Variants in NOTCH2 observed in about 807,000 individuals in gnomAD.
The protein encoded by NOTCH2 is notch receptor 2, also known as neurogenic locus notch homolog protein 2.
NOTCH2 carries 29 observed loss-of-function variants against 235.8 expected under a neutral mutation model. The ratio of observed to expected loss-of-function variants is 0.12; its 90% confidence interval spans 0.09 to 0.17. The LOEUF is 0.17. NOTCH2 is among the 10% of genes least tolerant of loss of function. The pLI is 1.00. For missense variants in NOTCH2, 2,285 were observed against 3,150.2 expected, an observed-to-expected ratio of 0.73 and a Z score of 6.57; for synonymous variants, 1,086 against 1,141.5, an observed-to-expected ratio of 0.95 and a Z score of 0.98.
rs782720092 is a variant in NOTCH2 at position 119,953,559 on chromosome 1, G to A, written c.2349C>T (p.Cys783=). ...TGTTTTCACCTTTAAAGCCCTTCTT[G>A]CAAGTACACCTGTATCCATTCACCA... ...DNLVNGYRCT[C]KKGFKGYNCQ... Residue 783 remains cysteine, a synonymous_variant, in exon 14 of 34, where the codon TGC becomes TGT. Transcript: ENST00000256646. The A allele has an allele frequency of 6.2e-7, 1 of 1,614,042 alleles. No homozygotes were observed.
In NOTCH2 at chr1:119,923,738, T is replaced by G. The variant is rs587597840; in HGVS notation, c.4758A>C (p.Glu1586Asp). ...NLRIKRDSQG[E>D]LMVYPYYGEK... The stretch of plus-strand genomic sequence containing the variant: ...CACCATAATAGGGGTACACCATGAG[T>G]TCCCCCTGGGAGTCCCGCTTAATGC... Residue 1586 changes from glutamate to aspartate, a missense_variant, in exon 26 of 34, where the codon GAA (glutamate) becomes GAC (aspartate). Around this residue, in one of 6 missense-constraint regions of NOTCH2, gnomAD observed 1,173 missense variants for 1,515.3 expected, o/e 0.77. Transcript: ENST00000256646. 6.2e-6 allele frequency: 10 copies of G among 1,614,166 alleles called. No individual in the cohort carries two copies. In the East Asian group the frequency reaches 1.8e-4, roughly 29 times the overall value.
chr1:119,946,182 C>A (rs1241912710), intron 17 of NOTCH2, among the ~76,000 whole-genome samples: 5 of 151,978 alleles, frequency 3.3e-5, no homozygotes, highest in African/African-American at 9.7e-5. Flanking sequence ...ATTAGGAAAA[C>A]CAAACTTGTA....
At chr1:119,918,269 A>G (rs1003492856) in intron 32 of NOTCH2, 137 bp downstream of exon 32, 24 of 988,558 alleles carry the variant, frequency 2.4e-5, no homozygotes, top group Non-Finnish European at 3.6e-5. Context: ...TGTTAAATAA[A>G]TGCATGAATG....
At chr1:120,015,230 C>T (rs587631008) in intron 2 of NOTCH2, among the ~76,000 whole-genome samples, 1,323 of 152,164 alleles carry the variant, frequency 8.7e-3, no homozygotes, top group African/African-American at 0.031. Context: ...TCTTTACTCC[C>T]TCTGGGCTAG....
At chr1:119,927,635 C>T (rs1056199239) in intron 23 of NOTCH2, among the ~76,000 whole-genome samples, 1 of 152,126 alleles carries the variant, frequency 6.6e-6, no homozygotes, top group African/African-American at 2.4e-5. Context: ...TTCCCCCTTA[C>T]TTTGCAAATG....
intron 2 of NOTCH2, among the ~76,000 whole-genome samples, chr1:120,023,573 C>G (rs1218255592): frequency 8.3e-6 from 1 of 121,110 alleles, no homozygotes; most frequent in Non-Finnish European, 1.5e-5. Flanking sequence ...TAGTACTTAT[C>G]TCCTTATTTA....
At chr1:120,043,139 A>T (rs1654648836) in intron 1 of NOTCH2, among the ~76,000 whole-genome samples, 1 of 151,478 alleles carries the variant, frequency 6.6e-6, no homozygotes, top group Non-Finnish European at 1.5e-5. Context: ...TAGGATTAAC[A>T]TCTCAGCTTC....
chr1:119,916,012 C>G lies in NOTCH2; in HGVS notation c.6710G>C (p.Ser2237Thr). Residue 2237 changes from serine (S) to threonine (T), a missense_variant, in exon 34 of 34, where the codon AGT becomes ACT. Ser to Thr is a moderately conservative substitution (Grantham distance 58, BLOSUM62 1). This residue lies in a region of NOTCH2 where 504 missense variants were observed against 538.0 expected (regional missense o/e 0.94). Transcript: ENST00000256646. ...HHHIVSPGSG[S>T]AGSLSRLHPV... ...ATGGAGCCTACTCAAGCTTCCAGCA[C>G]TGCCACTGCCTGGAGACACAATGTG... is the stretch of plus-strand genomic sequence containing the variant. 6.2e-7 allele frequency: 1 copy of G among 1,613,830 alleles called. No individual in the cohort carries two copies. Among genetic ancestry groups the G allele is most frequent in the Non-Finnish European group, 8.5e-7 (1 of 1,180,042 alleles).
intron 1 of NOTCH2, among the ~76,000 whole-genome samples, chr1:120,039,409 CTTT>C (rs1170358326): frequency 3.1e-5 from 4 of 127,050 alleles, no homozygotes; most frequent in Admixed American, 7.7e-5. Flanking sequence ...CTTTTTAAAG[CTTT>C]TTTTTTTTTT....
chr1:119,986,626 A>G (rs1430205913), intron 5 of NOTCH2, among the ~76,000 whole-genome samples: 1 of 152,130 alleles, frequency 6.6e-6, no homozygotes, highest in African/African-American at 2.4e-5. Context: ...TTTAATATTT[A>G]TTAAGCATCT....
At chr1:119,935,948 G>A (rs782543367) in intron 21 of NOTCH2, among the ~76,000 whole-genome samples, 22 of 152,138 alleles carry the variant, frequency 1.4e-4, no homozygotes, top group Non-Finnish European at 1.2e-4. Context: ...ACATTCCTCC[G>A]TATGTGATGA....
At chr1:119,967,033 C>T (rs953234386) in intron 8 of NOTCH2, among the ~76,000 whole-genome samples, 28 of 152,128 alleles carry the variant, frequency 1.8e-4, no homozygotes, top group Admixed American at 1.6e-3. Flanking sequence ...ACATGTACTG[C>T]ACTTTAGATA....
At chr1:119,938,346 A>T (rs1297766939) in intron 19 of NOTCH2, among the ~76,000 whole-genome samples, 3 of 152,222 alleles carry the variant, frequency 2.0e-5, no homozygotes, top group Non-Finnish European at 4.4e-5. Context: ...AAAAAAAATC[A>T]CTAAACTTCA....
At chr1:119,948,046 T>C (rs1294157063) in intron 17 of NOTCH2, among the ~76,000 whole-genome samples, 1 of 152,218 alleles carries the variant, frequency 6.6e-6, no homozygotes, top group Non-Finnish European at 1.5e-5. Context: ...ATGTTTATTA[T>C]TTTGGGTGAT....
Position 119,923,645 on chromosome 1 carries a change from C to T in NOTCH2, c.4851G>A (p.Glu1617=), listed in dbSNP as rs771883723. Residue 1617 remains glutamate (E), a synonymous_variant, in exon 26 of 34, where the codon GAG becomes GAA. Coordinates refer to ENST00000256646, the MANE Select transcript of NOTCH2 (RefSeq NM_024408.4). Reference sequence around the variant, plus strand: ...AGAAACCAAACACCTACCCAGCCACCTCCTGTTCTTGTTCACCAGGAAGGG... The same window carrying T: ...AGAAACCAAACACCTACCCAGCCACTTCCTGTTCTTGTTCACCAGGAAGGG... ...RRSLPGEQEQ[E]VAGSKVFLEI... is the part of the protein sequence containing the mutation. The T allele has an allele frequency of 1.9e-6, 3 of 1,613,828 alleles. No individual in the cohort carries two copies. Among genetic ancestry groups the T allele is most frequent in the Non-Finnish European group, 2.5e-6 (3 of 1,179,844 alleles).
rs587778579 is a variant in NOTCH2, at chr1:119,915,513, A to T, written c.7209T>A (p.Ser2403Arg). ...GCTCACCCTGGAGGTGACCACTGTG[A>T]CTGGGTGTTCGCTCAGCAGCATTTG... is the stretch of plus-strand genomic sequence containing the variant. ...ASSNAAERTP[S>R]HSGHLQGEHP... Residue 2403 changes from serine to arginine, a missense_variant, in exon 34 of 34, where the codon AGT becomes AGA. Transcript: ENST00000256646. 6.2e-7 allele frequency: 1 copy of T among 1,614,052 alleles called. No individual in the cohort carries two copies. The highest frequency in any genetic ancestry group is 1.7e-5 in the Admixed American group (1 of 60,020).
Position 119,950,761 on chromosome 1 carries a change from T to G in NOTCH2, c.2442A>C (p.Ile814=), listed in dbSNP as rs994966241. 6.2e-7 allele frequency: 1 copy of G among 1,614,064 alleles called. No homozygotes were observed. ...CLNQGTCFDD[I]SGYTCHCVLP... ...GCACACAGTGGCAAGTGTAGCCACT[T>G]ATGTCATCAAAGCAGGTTCCTTGGT... The change falls in exon 15 of 34, where the codon ATA becomes ATC. Residue 814 remains isoleucine (I), a synonymous_variant. Transcript: ENST00000256646.
intron 25 of NOTCH2, among the ~76,000 whole-genome samples, 165 bp from the exon 26 acceptor site, chr1:119,924,149 G>A (rs1173030896): frequency 1.3e-5 from 2 of 152,166 alleles, no homozygotes; most frequent in African/African-American, 2.4e-5. Context: ...TATCCCTGAT[G>A]CCTATGCCAC....
chr1:119,930,324 C>T (rs1399379543), intron 22 of NOTCH2, among the ~76,000 whole-genome samples: 1 of 151,226 alleles, frequency 6.6e-6, no homozygotes, highest in Non-Finnish European at 1.5e-5. Flanking sequence ...GGATAAATTT[C>T]CTGCTGAGAG....
Sources: allele counts gnomAD v4.1 joint callset (sites outside exome capture counted in the v4.1 genomes callset), GRCh38; gene constraint gnomAD v4.1.1; regional missense constraint gnomAD v4.1.1; transcripts MANE v1.5; gene names NCBI Gene and HGNC (gene_info 2026-07-23, HGNC 2026-07-21).